The following ABCD3 variants were observed in gnomAD, a reference collection of about 807,000 sequenced individuals.
The protein encoded by ABCD3 is ATP-binding cassette sub-family D member 3.
In ABCD3, 41 loss-of-function variants were observed where a neutral mutation model predicts 105.5. The observed-to-expected ratio is 0.39, with a 90% CI of 0.30 to 0.50. The LOEUF is 0.50. Ranked by LOEUF, ABCD3 falls within the 20% of genes least tolerant of loss-of-function variation. The pLI is 0.84. For synonymous variants in ABCD3, 258 were observed against 269.0 expected (o/e 0.96, Z 0.40); for missense variants, 622 against 806.3 (o/e 0.77, Z 2.77).
intron 1 of ABCD3, among the ~76,000 whole-genome samples, chr1:94,453,160 T>C (rs78991872): frequency 0.013 from 1,927 of 152,278 alleles, 46 homozygotes; most frequent in African/African-American, 0.044. Context: ...TGGAATTATC[T>C]GTTCACTGGG....
At chr1:94,413,990 G>A (rs1249442844), upstream of ABCD3, among the ~76,000 whole-genome samples, 1 of 152,164 alleles carries the variant, frequency 6.6e-6, no homozygotes, top group African/African-American at 2.4e-5. Flanking sequence ...ACGTGAGGAT[G>A]TTAGGGTAGG....
chr1:94,399,352 C>A, the ABCD3 span, among the ~76,000 whole-genome samples: 1 of 152,210 alleles, frequency 6.6e-6, no homozygotes, highest in Non-Finnish European at 1.5e-5. Context: ...TGAAAAACGA[C>A]TCTCCCTCAG....
chr1:94,498,743 A>G, intron 17 of ABCD3, 40 bp from the exon 18 acceptor site: 1 of 1,613,394 alleles, frequency 6.2e-7, no homozygotes, highest in Non-Finnish European at 8.5e-7. Context: ...CCACTTTGTA[A>G]ATTTTACAAT....
At chr1:94,466,525 G>C (rs539292776) in intron 3 of ABCD3, among the ~76,000 whole-genome samples, 2 of 152,016 alleles carry the variant, frequency 1.3e-5, no homozygotes, top group African/African-American at 4.8e-5. Flanking sequence ...ATTGTTTTAC[G>C]ATCTGGCCCT....
At chr1:94,490,703 C>G (rs1649490550) in intron 15 of ABCD3, among the ~76,000 whole-genome samples, 1 of 152,004 alleles carries the variant, frequency 6.6e-6, no homozygotes, top group African/African-American at 2.4e-5. Context: ...CATATATGGA[C>G]TATTGTAAAT....
chr1:94,408,429 C>A, the ABCD3 span, among the ~76,000 whole-genome samples: 1,668 of 143,868 alleles, frequency 0.012, 15 homozygotes, highest in Non-Finnish European at 0.018. Flanking sequence ...CTAAAAAAAT[C>A]CAAAAAAAAA....
intron 7 of ABCD3, among the ~76,000 whole-genome samples, chr1:94,477,396 G>A (rs142001411): frequency 2.4e-4 from 37 of 152,166 alleles, no homozygotes; most frequent in African/African-American, 8.2e-4. Flanking sequence ...GGGAGGCCAA[G>A]GTGGGCAGAT....
intron 9 of ABCD3, chr1:94,482,213 G>C (rs147168935): frequency 6.6e-6 from 1 of 152,160 alleles, no homozygotes; most frequent in Admixed American, 6.6e-5. Context: ...CATGAAACGC[G>C]TGACAAATGT....
chr1:94,466,286 C>T lies in ABCD3; in HGVS notation c.246+1413C>T, dbSNP rs189142070. Among the ~76,000 whole-genome samples the T allele has an allele frequency of 1.4e-4, 21 of 152,278 alleles. No homozygotes were observed. The East Asian group carries it at 3.3e-3, about 24-fold the overall frequency. On this transcript the variant is annotated intron_variant, in intron 3 of 22. Transcript: ENST00000370214. ...TTCCCTTATATTATAAATGTTCTTT[C>T]TAAGTATCCTAAAGTTTCTTATAAA...
intron 1 of ABCD3, among the ~76,000 whole-genome samples, chr1:94,428,285 G>T (rs1367165776): frequency 6.6e-6 from 1 of 151,754 alleles, no homozygotes; most frequent in Non-Finnish European, 1.5e-5. Context: ...CCACTATAAT[G>T]GTACTATAAT....
chr1:94,484,585 A>G (rs1203421003), intron 10 of ABCD3, among the ~76,000 whole-genome samples: 2 of 152,144 alleles, frequency 1.3e-5, no homozygotes, highest in South Asian at 2.1e-4. Flanking sequence ...GAATTGAACA[A>G]TGAGAACACC....
At position 94,518,496 on chromosome 1, in the gene ABCD3, T is replaced by TAA. The variant is rs4148061; in HGVS notation, c.*1384_*1385dup. 31 of 138,058 alleles carry TAA rather than the reference T, an allele frequency of 2.2e-4. No homozygotes were observed. The highest frequency in any genetic ancestry group is 6.9e-4 in the South Asian group (3 of 4,332). The allele number at this position is 138,058 out of a possible 1,614,324, so 8.6% of individuals were successfully genotyped here. A position where few individuals can be genotyped will look rare whatever the true frequency, so the allele number is the denominator to read the frequency against. On this transcript the variant is annotated 3_prime_UTR_variant, in exon 23 of 23. Transcript: ENST00000370214. ...TTGTATACTTATTTTCTGTTCAGAT[T>TAA]AAAAAAAAAAAAAAAAAACTCAGAT...
chr1:94,474,107 C>A (rs1382434479), intron 5 of ABCD3, among the ~76,000 whole-genome samples: 1 of 144,230 alleles, frequency 6.9e-6, no homozygotes. Flanking sequence ...TTTTTTTAAC[C>A]TTCAGTCCAG....
In ABCD3 at chr1:94,480,526, A is replaced by G. The variant is rs1399225630; in HGVS notation, c.747A>G (p.Arg249=). 3.7e-6 allele frequency: 6 copies of G among 1,613,758 alleles called. No homozygotes were observed. The highest frequency in any genetic ancestry group is 5.1e-6 in the Non-Finnish European group (6 of 1,179,850). Residue 249 remains arginine, a synonymous_variant, in exon 9 of 23, where the codon AGA becomes AGG. Coordinates refer to ENST00000370214, the MANE Select transcript of ABCD3 (RefSeq NM_002858.4). ...VSGLFLTRLR[R]PIGKMTITEQ... ...GGCTATTCCTAACTCGACTTCGAAG[A>G]CCCATTGGTAAGATGACAATAACTG...
chr1:94,433,224 G>A (rs560788838), intron 1 of ABCD3, among the ~76,000 whole-genome samples: 4 of 149,290 alleles, frequency 2.7e-5, no homozygotes, highest in East Asian at 2.0e-4. Context: ...GCCCGATCTC[G>A]GCTCACTGCA....
rs1304165931 is a variant in ABCD3, at chr1:94,517,411, A to C, written c.*282A>C. 1.9e-5 allele frequency: 7 copies of C among 365,854 alleles called. No homozygotes were observed. The highest frequency in any genetic ancestry group is 4.0e-5 in the Admixed American group (1 of 24,858). The allele number at this position is 365,854 out of a possible 1,614,324, so 22.7% of individuals were successfully genotyped here. A position where few individuals can be genotyped will look rare whatever the true frequency, so the allele number is the denominator to read the frequency against. ...GCCTAAATTAAATTGGGCTTCAATC[A>C]CTGTAACCTGATTCATCCTGGGATG... On this transcript the variant is annotated 3_prime_UTR_variant, in exon 23 of 23. Transcript: ENST00000370214.
At chr1:94,389,388 A>G in the ABCD3 span, among the ~76,000 whole-genome samples, 1 of 152,162 alleles carries the variant, frequency 6.6e-6, no homozygotes, top group Non-Finnish European at 1.5e-5. Flanking sequence ...GAATGAGGGC[A>G]AGGAACACCT....
intron 1 of ABCD3, among the ~76,000 whole-genome samples, chr1:94,433,561 C>T (rs1378623204): frequency 6.6e-6 from 1 of 151,724 alleles, no homozygotes; most frequent in Non-Finnish European, 1.5e-5. Context: ...TCTATTGCTC[C>T]TAGGCTACAA....
chr1:94,455,411 C>T (rs968458448), intron 1 of ABCD3, among the ~76,000 whole-genome samples: 17 of 151,752 alleles, frequency 1.1e-4, no homozygotes, highest in Non-Finnish European at 1.8e-4. Context: ...CCACAACCTC[C>T]GCCTCCTGGG....
Sources: gnomAD v4.1 joint callset for allele counts (sites outside exome capture counted in the v4.1 genomes callset) on GRCh38, gnomAD v4.1.1 for gene constraint, MANE v1.5 for transcripts, NCBI Gene and HGNC (gene_info 2026-07-23, HGNC 2026-07-21) for gene names.